ADGRA3: variants seen among roughly 807,000 people sequenced by gnomAD.
The protein encoded by ADGRA3 is adhesion G protein-coupled receptor A3.
A neutral mutation model predicts 119.8 loss-of-function variants in ADGRA3; 56 were observed. The observed-to-expected ratio is 0.47, with a 90% confidence interval of 0.38 to 0.58. ADGRA3 has a LOEUF of 0.58. Ranked by LOEUF, ADGRA3 falls within the 20% of genes least tolerant of loss-of-function variation. The probability of loss-of-function intolerance (pLI) is 0.00; values close to 1 mark genes in which losing one functional copy is unlikely to be tolerated. For synonymous variants in ADGRA3, 607 were observed against 623.8 expected, an observed-to-expected ratio of 0.97 and a Z score of 0.40; for missense variants, 1,516 against 1,649.0, an observed-to-expected ratio of 0.92 and a Z score of 1.40.
At chr4:22,490,298 T>C (rs921987082) in intron 1 of ADGRA3, among the ~76,000 whole-genome samples, 1 of 152,226 alleles carries the variant, frequency 6.6e-6, no homozygotes. Context: ...ACACATTAGC[T>C]GCAAGAGAAA....
intron 14 of ADGRA3, among the ~76,000 whole-genome samples, chr4:22,405,147 A>G (rs1054197341): frequency 3.3e-5 from 5 of 152,198 alleles, no homozygotes; most frequent in African/African-American, 1.2e-4. Context: ...GCAGAAAGTA[A>G]CAATATGGGG....
At chr4:22,505,061 C>A (rs560343158) in intron 1 of ADGRA3, among the ~76,000 whole-genome samples, 2 of 152,152 alleles carry the variant, frequency 1.3e-5, no homozygotes, top group African/African-American at 4.8e-5. Context: ...TAGTGCAAAG[C>A]GCTCTGGCCA....
intron 4 of ADGRA3, among the ~76,000 whole-genome samples, chr4:22,453,200 C>CAAAA (rs530504605): frequency 1.5e-3 from 32 of 21,562 alleles, no homozygotes; most frequent in African/African-American, 3.1e-3. Context: ...GACTCCATCT[C>CAAAA]AAAAAAAAAA....
intron 1 of ADGRA3, among the ~76,000 whole-genome samples, chr4:22,508,160 A>G (rs548519394): frequency 2.0e-5 from 3 of 152,236 alleles, no homozygotes. Context: ...CACCAGTATC[A>G]TAGAAAGTGA....
intron 7 of ADGRA3, among the ~76,000 whole-genome samples, chr4:22,441,754 A>C (rs1258135625): frequency 6.6e-6 from 1 of 152,200 alleles, no homozygotes; most frequent in Non-Finnish European, 1.5e-5. Flanking sequence ...TGTTGGAATT[A>C]GCAGGAAAGG....
chr4:22,478,089 T>C (rs1004621407), intron 1 of ADGRA3: 4 of 152,318 alleles, frequency 2.6e-5, no homozygotes, highest in East Asian at 3.9e-4. Flanking sequence ...ACTAATGATG[T>C]TACCGCCACA....
chr4:22,477,444 G>A (rs890696699), intron 1 of ADGRA3, among the ~76,000 whole-genome samples: 2 of 152,106 alleles, frequency 1.3e-5, no homozygotes, highest in Non-Finnish European at 2.9e-5. Flanking sequence ...ATGTTTTAAT[G>A]AGCAAAGCTG....
At chr4:22,440,636 C>T (rs909510472) in intron 7 of ADGRA3, among the ~76,000 whole-genome samples, 2 of 152,016 alleles carry the variant, frequency 1.3e-5, no homozygotes, top group African/African-American at 2.4e-5. Context: ...GCATGACTTG[C>T]AGAAATAGAT....
intron 1 of ADGRA3, among the ~76,000 whole-genome samples, chr4:22,514,783 C>T (rs957949025): frequency 6.6e-6 from 1 of 152,162 alleles, no homozygotes; most frequent in Non-Finnish European, 1.5e-5. Context: ...CCGTGAATCC[C>T]AGCACAAGTG....
chr4:22,460,002 T>C (rs1717384586), intron 3 of ADGRA3, among the ~76,000 whole-genome samples: 1 of 152,210 alleles, frequency 6.6e-6, no homozygotes, highest in Non-Finnish European at 1.5e-5. Flanking sequence ...CTTTCTACTT[T>C]CTGCTCTGAT....
chr4:22,453,149 C>T (rs1335616822), intron 4 of ADGRA3, among the ~76,000 whole-genome samples: 5 of 146,870 alleles, frequency 3.4e-5, no homozygotes, highest in African/African-American at 5.2e-5. Context: ...TGCAGTGAGC[C>T]GAGATTGTGC....
At chr4:22,402,267 A>C (rs1275535370) in intron 15 of ADGRA3, among the ~76,000 whole-genome samples, 2 of 152,178 alleles carry the variant, frequency 1.3e-5, no homozygotes, top group African/African-American at 2.4e-5. Context: ...TCTATAAAAT[A>C]AAGAATATCA....
At chr4:22,513,182 G>A (rs1198441958) in intron 1 of ADGRA3, among the ~76,000 whole-genome samples, 1 of 95,502 alleles carries the variant, frequency 1.0e-5, no homozygotes, top group African/African-American at 4.4e-5. Context: ...TTTCATTCTT[G>A]TTACCCAGGC....
In ADGRA3 at chr4:22,387,683, C is replaced by T. The variant is rs759247900; in HGVS notation, c.*22G>A. 2.5e-6 allele frequency: 4 copies of T among 1,570,932 alleles called. No homozygotes were observed. Among genetic ancestry groups the T allele is most frequent in the Non-Finnish European group, 2.6e-6 (3 of 1,157,812 alleles). On this transcript the variant is annotated 3_prime_UTR_variant, in exon 19 of 19. Coordinates refer to ENST00000334304, the MANE Select transcript of ADGRA3 (RefSeq NM_145290.4). ...TGAGTATCACAGTTTATATGAATTTCTGCCTAGGAAGCCCAGCAATGTTAC... is the reference window on the plus strand; with the variant it reads ...TGAGTATCACAGTTTATATGAATTTTTGCCTAGGAAGCCCAGCAATGTTAC...
chr4:22,406,937 C>G (rs1714959657), intron 14 of ADGRA3, among the ~76,000 whole-genome samples: 2 of 152,080 alleles, frequency 1.3e-5, no homozygotes. Context: ...CCATTATTAG[C>G]TTTCCCACCT....
At chr4:22,512,041 C>G (rs1000342813) in intron 1 of ADGRA3, among the ~76,000 whole-genome samples, 1 of 142,548 alleles carries the variant, frequency 7.0e-6, no homozygotes, top group Non-Finnish European at 1.5e-5. Context: ...GCTGGGATTA[C>G]AGGTGCAAGC....
chr4:22,429,357 A>T (rs1457161977), intron 10 of ADGRA3, among the ~76,000 whole-genome samples: 1 of 152,200 alleles, frequency 6.6e-6, no homozygotes, highest in Non-Finnish European at 1.5e-5. Flanking sequence ...TTGTTAATGC[A>T]TCACTGAGAA....
rs374755307 is a variant in ADGRA3 at position 22,392,573 on chromosome 4, G to T, written c.2599C>A (p.Pro867Thr). 2.8e-5 allele frequency: 45 copies of T among 1,613,954 alleles called. No homozygotes were observed. In the East Asian group the frequency reaches 3.6e-4, roughly 13 times the overall value. Residue 867 changes from proline (P) to threonine (T), a missense_variant, in exon 17 of 19, where the codon CCA becomes ACA. Pro to Thr is a conservative substitution (Grantham distance 38, BLOSUM62 -1). Transcript: ENST00000334304. ...AGCATTGGTCTTGGTGGAGGTGGTG[G>T]TTCATCAGGATCCTGGCATCTTTTA... ...KAKRCQDPDE[P>T]PPPPRPMLRF...
chr4:22,389,309 G>T, intron 17 of ADGRA3, 126 bp from the exon 18 acceptor site: 2 of 689,746 alleles, frequency 2.9e-6, no homozygotes, highest in Non-Finnish European at 2.5e-6. Context: ...CCAATAATAA[G>T]CTGAGAGTTA....
Sources: gnomAD v4.1 joint callset for allele counts (sites outside exome capture counted in the v4.1 genomes callset) on GRCh38, gnomAD v4.1.1 for gene constraint, MANE v1.5 for transcripts, NCBI Gene and HGNC (gene_info 2026-07-23, HGNC 2026-07-21) for gene names.